COPS9: variants seen among roughly 807,000 people sequenced by gnomAD.
COPS9 encodes the protein COP9 signalosome subunit 9, also known as COP9 signalosome complex subunit 9.
Under a neutral mutation model 7.2 loss-of-function variants are expected in COPS9, and 8 were observed. The ratio of observed to expected loss-of-function variants is 1.11; its 90% CI spans 0.65 to 2.00. The LOEUF is 2.00. Ranked by LOEUF, COPS9 falls within the 30% of genes most tolerant of loss-of-function variation. COPS9 has a pLI of 0.00. For synonymous variants in COPS9, 39 were observed against 28.7 expected (o/e 1.36, Z -1.14); for missense variants, 74 against 77.7 (o/e 0.95, Z 0.18).
At chr2:240,129,781 A>G, downstream of COPS9, 1 of 699,580 alleles carries the variant, frequency 1.4e-6, no homozygotes, top group Non-Finnish European at 2.5e-6. Flanking sequence ...CCAAGTGCAG[A>G]CGACGTGCAC....
downstream of COPS9, among the ~76,000 whole-genome samples, chr2:240,129,049 G>A (rs1202325793): frequency 1.3e-5 from 2 of 152,214 alleles, no homozygotes; most frequent in Admixed American, 1.3e-4. Context: ...GTGCCCATCT[G>A]CACTCTGCCT....
At chr2:240,136,347 T>A (rs1014870415), upstream of COPS9, 3 of 1,504,302 alleles carry the variant, frequency 2.0e-6, no homozygotes, top group Admixed American at 2.3e-5. Flanking sequence ...GCGCGCCACA[T>A]GGCAGATCTA....
At position 240,132,773 on chromosome 2, in the gene COPS9, G is replaced by C. The variant is rs1048398643; in HGVS notation, c.136+1160C>G. On this transcript the variant is annotated intron_variant, in intron 2 of 2. Transcript: ENST00000607357. This position sits in a 1 kb window ranked among gnomAD's most constrained non-coding sequence, Gnocchi z 4.1. ...ACGTGAAAAGCTTCAAAGTCGCCCT[G>C]GTGAGCTGGTGTTTTTGCAAAGCAG... Among the ~76,000 whole-genome samples, 5 of 152,212 alleles carry C rather than the reference G, an allele frequency of 3.3e-5. No homozygotes were observed. The highest frequency in any genetic ancestry group is 1.5e-5 in the Non-Finnish European group (1 of 68,040).
At chr2:240,128,811 A>G (rs1189512474), downstream of COPS9, among the ~76,000 whole-genome samples, 1 of 152,154 alleles carries the variant, frequency 6.6e-6, no homozygotes, top group African/African-American at 2.4e-5. Flanking sequence ...GAGGAAGAAA[A>G]ACAGGTGGCA....
chr2:240,127,812 A>C (rs2071882182), downstream of COPS9, among the ~76,000 whole-genome samples: 11 of 152,080 alleles, frequency 7.2e-5, no homozygotes, highest in Admixed American at 7.2e-4. Context: ...ATGCCTGCTG[A>C]GCACCCTGAC....
chr2:240,130,798 A>C, downstream of COPS9: 5 of 1,371,786 alleles, frequency 3.6e-6, no homozygotes, highest in Non-Finnish European at 4.7e-6. Context: ...ACATTCACTC[A>C]TAAGTGCAAG....
intron 1 of COPS9, 27 bp downstream of exon 1, chr2:240,136,195 C>T: frequency 6.6e-7 from 1 of 1,508,124 alleles, no homozygotes; most frequent in Non-Finnish European, 8.8e-7. Flanking sequence ...TCCCCACGCT[C>T]GGAGACTCCC....
intron 1 of COPS9, chr2:240,135,978 C>T (rs1286831504): frequency 1.7e-6 from 1 of 583,862 alleles, no homozygotes; most frequent in Non-Finnish European, 2.7e-6. Context: ...GCACTCAACC[C>T]TCAGGCTGCG....
chr2:240,136,211 G>A lies in COPS9; in HGVS notation c.63+11C>T. 6.5e-7 allele frequency: 1 copy of A among 1,535,876 alleles called. No individual in the cohort carries two copies. Among genetic ancestry groups the A allele is most frequent in the Non-Finnish European group, 8.7e-7 (1 of 1,145,406 alleles). ...CCCCACGCTCGGAGACTCCCGCCGGGCCCGTGCCACCTCGTCCAGGTCCAC... is the reference window on the plus strand; with the variant it reads ...CCCCACGCTCGGAGACTCCCGCCGGACCCGTGCCACCTCGTCCAGGTCCAC... On this transcript the variant is annotated intron_variant, in intron 1 of 2. Transcript: ENST00000607357.
intron 1 of COPS9, chr2:240,136,008 A>G: frequency 1.4e-6 from 1 of 737,080 alleles, no homozygotes; most frequent in Non-Finnish European, 2.0e-6. Context: ...CCCCCGGGCT[A>G]GGGCACACGC....
chr2:240,136,235 A>C lies in COPS9; in HGVS notation c.50T>G (p.Val17Gly), dbSNP rs1178344151. ...EMFPEGAGPY[V>G]DLDEAGGSTG... ...GGCCCGTGCCACCTCGTCCAGGTCC[A>C]CGTAGGGCCCGGCGCCCTCGGGGAA... The change falls in exon 1 of 3, where the codon GTG becomes GGG. Residue 17 changes from valine to glycine, a missense_variant. Val to Gly is a moderately radical substitution (Grantham distance 109, BLOSUM62 -3). Coordinates refer to ENST00000607357, the MANE Select transcript of COPS9 (RefSeq NM_001163424.2). 2 of 1,559,550 alleles carry C rather than the reference A, an allele frequency of 1.3e-6. No homozygotes were observed. Among genetic ancestry groups the C allele is most frequent in the East Asian group, 2.6e-5 (1 of 38,160 alleles).
chr2:240,129,778 C>T, downstream of COPS9: 1 of 685,564 alleles, frequency 1.5e-6, no homozygotes. Flanking sequence ...TCTCCAAGTG[C>T]AGACGACGTG....
rs758560914 is a variant in COPS9, at chr2:240,136,303, T to G, written c.-19A>C. 4.5e-6 allele frequency: 7 copies of G among 1,552,460 alleles called. No individual in the cohort carries two copies. Among genetic ancestry groups the G allele is most frequent in the African/African-American group, 2.8e-5 (2 of 70,250 alleles). On this transcript the variant is annotated 5_prime_UTR_variant, in exon 1 of 3. Transcript: ENST00000607357. ...GCTTCATCTCGGGGCCGCGGCGCTC[T>G]AGGCTCACTTCCGGCCTCAGAGCCG...
At chr2:240,130,570 G>C (rs1275973098), downstream of COPS9, among the ~76,000 whole-genome samples, 1 of 152,232 alleles carries the variant, frequency 6.6e-6, no homozygotes, top group African/African-American at 2.4e-5. Flanking sequence ...CACACAGTGG[G>C]AACCTGCCCA....
rs940639002 is a variant in COPS9 at position 240,131,121 on chromosome 2, C to T, written c.137-33G>A. The T allele has an allele frequency of 3.3e-5, 53 of 1,607,818 alleles. No individual in the cohort carries two copies. The East Asian group carries it at 1.2e-3, about 35-fold the overall frequency. On this transcript the variant is annotated intron_variant, in intron 2 of 2. Coordinates refer to ENST00000607357, the MANE Select transcript of COPS9 (RefSeq NM_001163424.2). Reference sequence around the variant, plus strand: ...AATAAGCAAAACCACGTAGTTACACCTACAAGGGTAAGGGCTGAAGAAATC... The same window carrying T: ...AATAAGCAAAACCACGTAGTTACACTTACAAGGGTAAGGGCTGAAGAAATC...
At chr2:240,134,038 GCGTTTT>G (rs1385646780) in intron 1 of COPS9, 33 bp from the exon 2 acceptor site, 1 of 1,609,526 alleles carries the variant, frequency 6.2e-7, no homozygotes, top group Non-Finnish European at 8.5e-7. Context: ...TATGTCAGGT[GCGTTTT>G]CCGAAAGAAC....
intron 1 of COPS9, 31 bp from the exon 2 acceptor site, chr2:240,134,036 G>C: frequency 6.2e-7 from 1 of 1,611,244 alleles, no homozygotes; most frequent in Non-Finnish European, 8.5e-7. Flanking sequence ...GTTATGTCAG[G>C]TGCGTTTTCC....
chr2:240,130,675 C>T (rs890670557), downstream of COPS9: 3 of 504,996 alleles, frequency 5.9e-6, no homozygotes, highest in African/African-American at 6.3e-5. Context: ...CCAGCACATA[C>T]AGCACCTTAA....
In COPS9 at chr2:240,132,824, T is replaced by A. The variant is rs1226183186; in HGVS notation, c.136+1109A>T. Among the ~76,000 whole-genome samples the A allele has an allele frequency of 2.6e-5, 4 of 152,250 alleles. No individual in the cohort carries two copies. The highest frequency in any genetic ancestry group is 5.9e-5 in the Non-Finnish European group (4 of 68,044). ...CTTTGGAGAGCGCTCTGCAGCTTTG[T>A]ACAATTTGTTCCCTCTGAAGGCAAC... On this transcript the variant is annotated intron_variant, in intron 2 of 2. Transcript: ENST00000607357. This position sits in a 1 kb window ranked among gnomAD's most constrained non-coding sequence, Gnocchi z 4.1.
Sources: gnomAD v4.1 joint callset for allele counts (sites outside exome capture counted in the v4.1 genomes callset) on GRCh38, gnomAD v4.1.1 for gene constraint, Gnocchi (gnomAD v3.1) non-coding constraint, MANE v1.5 for transcripts, NCBI Gene and HGNC (gene_info 2026-07-23, HGNC 2026-07-21) for gene names.